The following FBXO8 variants were observed in gnomAD, a reference collection of about 807,000 sequenced individuals.
The protein encoded by FBXO8 is F-box protein 8, also known as F-box only protein 8.
In FBXO8, 15 loss-of-function variants were observed where a neutral mutation model predicts 33.4. The ratio of observed to expected loss-of-function variants is 0.45; its 90% CI spans 0.30 to 0.69. The LOEUF is 0.69. FBXO8 is among the 30% of genes least tolerant of loss of function. The pLI is 0.08. For missense variants in FBXO8, 274 were observed against 380.3 expected (o/e 0.72, Z 2.32); for synonymous variants, 132 against 131.5 (o/e 1.00, Z -0.02).
At chr4:174,243,668 A>C (rs1031145420) in intron 3 of FBXO8, among the ~76,000 whole-genome samples, 20 of 151,230 alleles carry the variant, frequency 1.3e-4, no homozygotes, top group African/African-American at 4.6e-4. Flanking sequence ...ATTTTTAAAA[A>C]TAAAATTTTA....
rs1418842011 is a variant in FBXO8, at chr4:174,278,562, TATC to T, written c.-9+4845_-9+4847del. 1.3e-5 allele frequency among the ~76,000 whole-genome samples: 2 copies of T among 152,110 alleles called. No homozygotes were observed. The highest frequency in any genetic ancestry group is 2.9e-5 in the Non-Finnish European group (2 of 67,956). On this transcript the variant is annotated intron_variant, in intron 1 of 5. Coordinates refer to ENST00000393674, the MANE Select transcript of FBXO8 (RefSeq NM_012180.3). The surrounding 1 kb of genome is among the most constrained non-coding windows in gnomAD (Gnocchi z 4.1). The stretch of plus-strand genomic sequence containing the variant: ...ACTATTTGAAACTTTAAAATAAATG[TATC>T]ATACTTCTCACTAGCATTATTTTTA...
Position 174,262,135 on chromosome 4 carries a change from T to C in FBXO8, c.329+629A>G, listed in dbSNP as rs1397804912. Among the ~76,000 whole-genome samples, 1 of 152,160 alleles carries C rather than the reference T, an allele frequency of 6.6e-6. No homozygotes were observed. Among genetic ancestry groups the C allele is most frequent in the Non-Finnish European group, 1.5e-5 (1 of 68,002 alleles). On this transcript the variant is annotated intron_variant, in intron 2 of 5. Coordinates refer to ENST00000393674, the MANE Select transcript of FBXO8 (RefSeq NM_012180.3). This position sits in a 1 kb window ranked among gnomAD's most constrained non-coding sequence, Gnocchi z 4.6. The stretch of plus-strand genomic sequence containing the variant: ...CAGACTAGTACAATGTGGAAATTTA[T>C]GTAATCTAAGTTCAGCAAGTAAATA...
At position 174,255,740 on chromosome 4, in the gene FBXO8, G is replaced by A. The variant is rs1230818159; in HGVS notation, c.456+3959C>T. 2.0e-5 allele frequency among the ~76,000 whole-genome samples: 3 copies of A among 152,010 alleles called. No homozygotes were observed. Among genetic ancestry groups the A allele is most frequent in the Admixed American group, 6.6e-5 (1 of 15,244 alleles). On this transcript the variant is annotated intron_variant, in intron 3 of 5. Transcript: ENST00000393674. The surrounding 1 kb of genome is among the most constrained non-coding windows in gnomAD (Gnocchi z 4.3). ...AGATCCTAAATTTAAAAATAACTACGTCAAGAAAGTGTTTTAATATACATT... is the reference window on the plus strand; with the variant it reads ...AGATCCTAAATTTAAAAATAACTACATCAAGAAAGTGTTTTAATATACATT...
At position 174,263,322 on chromosome 4, in the gene FBXO8, T is replaced by A. The variant is rs572035413; in HGVS notation, c.-8-222A>T. ...TTACTTGGTTCGATCATCACCTTTA[T>A]CCCAGTTTGCTAACTACTTCTAAAG... On this transcript the variant is annotated intron_variant, in intron 1 of 5. Transcript: ENST00000393674. The surrounding 1 kb of genome is among the most constrained non-coding windows in gnomAD (Gnocchi z 4.2). Among the ~76,000 whole-genome samples the A allele has an allele frequency of 6.6e-6, 1 of 152,330 alleles. No individual in the cohort carries two copies. The highest frequency in any genetic ancestry group is 2.4e-5 in the African/African-American group (1 of 41,574).
chr4:174,265,467 G>A lies in FBXO8; in HGVS notation c.-8-2367C>T, dbSNP rs34429829. Among the ~76,000 whole-genome samples, 2,209 of 152,204 alleles carry A rather than the reference G, an allele frequency of 0.015. 25 individuals carry two copies. Among genetic ancestry groups the A allele is most frequent in the Non-Finnish European group, 0.023 (1,571 of 67,982 alleles). ...CTACGATGTACTTCATTATGCGAAT[G>A]TATAAATAAGCTGTGGTACAGTATA... On this transcript the variant is annotated intron_variant, in intron 1 of 5. Transcript: ENST00000393674. The surrounding 1 kb of genome is among the most constrained non-coding windows in gnomAD (Gnocchi z 4.7).
chr4:174,267,482 G>C lies in FBXO8; in HGVS notation c.-8-4382C>G, dbSNP rs1221182438. On this transcript the variant is annotated intron_variant, in intron 1 of 5. Coordinates refer to ENST00000393674, the MANE Select transcript of FBXO8 (RefSeq NM_012180.3). The surrounding 1 kb of genome is among the most constrained non-coding windows in gnomAD (Gnocchi z 4.7). ...AGATCACTTGAGCTCAGGAGTTTGA[G>C]GTTATAGTGAGCTATGATCACACCA... Among the ~76,000 whole-genome samples, 2 of 152,144 alleles carry C rather than the reference G, an allele frequency of 1.3e-5. No homozygotes were observed. Among genetic ancestry groups the C allele is most frequent in the Admixed American group, 6.5e-5 (1 of 15,282 alleles).
At chr4:174,248,957 C>G (rs1215271234) in intron 3 of FBXO8, among the ~76,000 whole-genome samples, 1 of 151,952 alleles carries the variant, frequency 6.6e-6, no homozygotes. Context: ...AGGGAAAACA[C>G]AGAGGAGGTA....
intron 1 of FBXO8, among the ~76,000 whole-genome samples, chr4:174,264,802 A>G (rs1736653830): frequency 6.6e-6 from 1 of 152,020 alleles, no homozygotes; most frequent in Admixed American, 6.6e-5. Context: ...TCTTAAAAAA[A>G]AAAAAACAGA....
At chr4:174,246,788 G>T (rs1736169253) in intron 3 of FBXO8, among the ~76,000 whole-genome samples, 1 of 151,944 alleles carries the variant, frequency 6.6e-6, no homozygotes, top group South Asian at 2.1e-4. Flanking sequence ...AGTAGCACCG[G>T]CTCAGAGACA....
chr4:174,257,132 A>G lies in FBXO8; in HGVS notation c.456+2567T>C, dbSNP rs1736434991. 6.6e-6 allele frequency among the ~76,000 whole-genome samples: 1 copy of G among 152,156 alleles called. No homozygotes were observed. Among genetic ancestry groups the G allele is most frequent in the Admixed American group, 6.6e-5 (1 of 15,254 alleles). ...CCTCTCCAAACACCCTAGAGGAGGT[A>G]CTAACAAGAACTGTATAGTTTGATA... On this transcript the variant is annotated intron_variant, in intron 3 of 5. Coordinates refer to ENST00000393674, the MANE Select transcript of FBXO8 (RefSeq NM_012180.3). This position sits in a 1 kb window ranked among gnomAD's most constrained non-coding sequence, Gnocchi z 4.3.
chr4:174,272,769 A>G lies in FBXO8; in HGVS notation c.-8-9669T>C, dbSNP rs1736868170. Among the ~76,000 whole-genome samples the G allele has an allele frequency of 6.6e-6, 1 of 152,222 alleles. No homozygotes were observed. Among genetic ancestry groups the G allele is most frequent in the African/African-American group, 2.4e-5 (1 of 41,454 alleles). On this transcript the variant is annotated intron_variant, in intron 1 of 5. Transcript: ENST00000393674. This position sits in a 1 kb window ranked among gnomAD's most constrained non-coding sequence, Gnocchi z 4.7. ...AGAATCCCAAAGTATCTTCCCACAT[A>G]TCAGTCATTAATTACAAGAAAAAAT...
intron 3 of FBXO8, among the ~76,000 whole-genome samples, chr4:174,243,968 G>A (rs766206524): frequency 1.1e-4 from 16 of 151,506 alleles, no homozygotes; most frequent in Non-Finnish European, 2.4e-4. Flanking sequence ...TGGTGAGATC[G>A]TTGAAGGCTG....
rs552308820 is a variant in FBXO8 at position 174,251,495 on chromosome 4, G to A, written c.456+8204C>T. On this transcript the variant is annotated intron_variant, in intron 3 of 5. Transcript: ENST00000393674. The surrounding 1 kb of genome is among the most constrained non-coding windows in gnomAD (Gnocchi z 4.2). ...AGGAGGGTGGCTGGGATAGAGTATG[G>A]TTAGGGTAAGGTGTAAACTAAAGTT... Among the ~76,000 whole-genome samples, 3 of 152,246 alleles carry A rather than the reference G, an allele frequency of 2.0e-5. No homozygotes were observed. Among genetic ancestry groups the A allele is most frequent in the African/African-American group, 7.2e-5 (3 of 41,550 alleles).
rs540705069 is a variant in FBXO8, at chr4:174,237,716, A to G, written c.773-117T>C. 3.2e-5 allele frequency: 28 copies of G among 879,460 alleles called. No individual in the cohort carries two copies. In the African/African-American group the frequency reaches 3.9e-4, roughly 12 times the overall value. The allele number at this position is 879,460 out of a possible 1,614,324, so 54.5% of individuals were successfully genotyped here. A position where few individuals can be genotyped will look rare whatever the true frequency, so the allele number is the denominator to read the frequency against. On this transcript the variant is annotated intron_variant, in intron 5 of 5. Coordinates refer to ENST00000393674, the MANE Select transcript of FBXO8 (RefSeq NM_012180.3). The surrounding 1 kb of genome is among the most constrained non-coding windows in gnomAD (Gnocchi z 4.4). The stretch of plus-strand genomic sequence containing the variant: ...AAGATATCAAGATTAGCTCATAAAT[A>G]CAGAGTGACCAATCCATCCCAGTTT...
chr4:174,268,813 A>G (rs1051151713), intron 1 of FBXO8, among the ~76,000 whole-genome samples: 1 of 152,152 alleles, frequency 6.6e-6, no homozygotes, highest in African/African-American at 2.4e-5. Flanking sequence ...CAAAAAGGAC[A>G]CTTGTTTATA....
rs1213002051 is a variant in FBXO8 at position 174,256,808 on chromosome 4, T to G, written c.456+2891A>C. Among the ~76,000 whole-genome samples, 1 of 152,084 alleles carries G rather than the reference T, an allele frequency of 6.6e-6. No individual in the cohort carries two copies. Among genetic ancestry groups the G allele is most frequent in the Non-Finnish European group, 1.5e-5 (1 of 68,022 alleles). The stretch of plus-strand genomic sequence containing the variant: ...AGAATTTTGGAACCTCAAGACACAT[T>G]GAGTGGCTCAGCTCTATGCCTCCTG... On this transcript the variant is annotated intron_variant, in intron 3 of 5. Coordinates refer to ENST00000393674, the MANE Select transcript of FBXO8 (RefSeq NM_012180.3). This position sits in a 1 kb window ranked among gnomAD's most constrained non-coding sequence, Gnocchi z 4.6.
chr4:174,249,071 T>C (rs949514753), intron 3 of FBXO8, among the ~76,000 whole-genome samples: 5 of 152,112 alleles, frequency 3.3e-5, no homozygotes, highest in Admixed American at 2.6e-4. Flanking sequence ...AAGCCCCTAT[T>C]AATTCGTTCT....
intron 3 of FBXO8, among the ~76,000 whole-genome samples, chr4:174,244,269 C>T (rs181918357): frequency 1.3e-4 from 19 of 151,602 alleles, no homozygotes; most frequent in Non-Finnish European, 2.7e-4. Flanking sequence ...GGTTACAAAT[C>T]CTTATCCTAG....
chr4:174,248,916 A>C (rs1736224577), intron 3 of FBXO8, among the ~76,000 whole-genome samples: 2 of 152,070 alleles, frequency 1.3e-5, no homozygotes, highest in African/African-American at 4.8e-5. Flanking sequence ...GAAAATCTAA[A>C]TAAAAATAAC....
Sources: gnomAD v4.1 joint callset for allele counts (sites outside exome capture counted in the v4.1 genomes callset) on GRCh38, gnomAD v4.1.1 for gene constraint, Gnocchi (gnomAD v3.1) non-coding constraint, MANE v1.5 for transcripts, NCBI Gene and HGNC (gene_info 2026-07-23, HGNC 2026-07-21) for gene names.